F2: variants seen among roughly 807,000 people sequenced by gnomAD.
The protein encoded by F2 is prothrombin.
Under a neutral mutation model 81.9 loss-of-function variants are expected in F2, and 34 were observed. That is an observed-to-expected ratio of 0.42 (90% CI 0.32 to 0.55). The LOEUF (loss-of-function observed/expected upper bound fraction) is 0.55, where lower values mean the gene tolerates loss of function less well. Ranked by LOEUF, F2 falls within the 20% of genes least tolerant of loss-of-function variation. The pLI, the probability that F2 is intolerant of heterozygous loss-of-function variation, is 0.18. For synonymous variants in F2, 296 were observed against 326.4 expected, an observed-to-expected ratio of 0.91 and a Z score of 1.01; for missense variants, 630 against 833.4, an observed-to-expected ratio of 0.76 and a Z score of 3.00.
chr11:46,726,538 G>A lies in F2; in HGVS notation c.915G>A (p.Glu305=), dbSNP rs886048335. 12 of 1,613,924 alleles carry A rather than the reference G, an allele frequency of 7.4e-6. No individual in the cohort carries two copies. The highest frequency in any genetic ancestry group is 1.0e-5 in the Non-Finnish European group (12 of 1,179,934). The change falls in exon 8 of 14, where the codon GAG becomes GAA. Residue 305 remains glutamate (E), a synonymous_variant. Coordinates refer to ENST00000311907, the MANE Select transcript of F2 (RefSeq NM_000506.5). The surrounding 1 kb of genome is among the most constrained non-coding windows in gnomAD (Gnocchi z 5.9). ...AGGAGACAGGAGATGGGCTGGATGA[G>A]GACTCAGACAGGGCCATCGAAGGGC... ...VEEETGDGLD[E]DSDRAIEGRT...
rs1379397740 is a variant in F2, at chr11:46,728,756, C to T, written c.1391C>T (p.Ala464Val). 1 of 1,614,200 alleles carries T rather than the reference C, an allele frequency of 6.2e-7. No homozygotes were observed. Among genetic ancestry groups the T allele is most frequent in the Non-Finnish European group, 8.5e-7 (1 of 1,180,030 alleles). The change falls in exon 11 of 14, where the codon GCC becomes GTC. Residue 464 changes from alanine to valine, a missense_variant. Transcript: ENST00000311907. This position sits in a 1 kb window ranked among gnomAD's most constrained non-coding sequence, Gnocchi z 5.1. Reference protein sequence around the residue: ...NWRENLDRDIALMKLKKPVAF... With the variant: ...NWRENLDRDIVLMKLKKPVAF... ...CGGGAGAACCTGGACCGGGACATTG[C>T]CCTGATGAAGCTGAAGAAGCCTGTT...
rs543398917 is a variant in F2 at position 46,735,033 on chromosome 11, G to T, written c.1655-4015G>T. Among the ~76,000 whole-genome samples, 5 of 152,236 alleles carry T rather than the reference G, an allele frequency of 3.3e-5. No individual in the cohort carries two copies. The South Asian group carries it at 1.0e-3, about 32-fold the overall frequency. On this transcript the variant is annotated intron_variant, in intron 12 of 13. Transcript: ENST00000311907. ...TCTAAACCCTTTATTAAAAATTATT[G>T]GCCAAGTGCGGTAGCTCACACCTGT...
intron 12 of F2, among the ~76,000 whole-genome samples, chr11:46,735,349 G>A (rs528609061): frequency 6.6e-6 from 1 of 152,282 alleles, no homozygotes; most frequent in Non-Finnish European, 1.5e-5. Flanking sequence ...GCTGAGGCAG[G>A]GGAATCATTT....
At chr11:46,730,942 A>G (rs754533052) in intron 12 of F2, among the ~76,000 whole-genome samples, 20 of 150,898 alleles carry the variant, frequency 1.3e-4, no homozygotes, top group Admixed American at 9.9e-4. Context: ...TTTTTTTGAC[A>G]TAGCTTCGCT....
intron 9 of F2, among the ~76,000 whole-genome samples, chr11:46,727,732 T>C (rs1316063046): frequency 6.6e-6 from 1 of 152,030 alleles, no homozygotes; most frequent in African/African-American, 2.4e-5. Flanking sequence ...AAGCTGTGAC[T>C]GTACCATTGC....
chr11:46,736,770 TC>T (rs2064946637), intron 12 of F2, among the ~76,000 whole-genome samples: 1 of 152,248 alleles, frequency 6.6e-6, no homozygotes, highest in Non-Finnish European at 1.5e-5. Flanking sequence ...AGTTTTTCTT[TC>T]CAGTGGTTTC....
At chr11:46,725,523 G>A (rs935290493) in intron 6 of F2, among the ~76,000 whole-genome samples, 23 of 152,038 alleles carry the variant, frequency 1.5e-4, no homozygotes, top group Admixed American at 1.1e-3. Flanking sequence ...CCCAGCAAGC[G>A]TCCTGCTGTG....
At position 46,726,778 on chromosome 11, in the gene F2, A is replaced by G; in HGVS notation, c.1071A>G (p.Glu357=). ...ACAAAACCGAAAGAGAGCTCCTGGAATCCTACATCGACGGGCGCATTGTGG... is the reference window on the plus strand; with the variant it reads ...ACAAAACCGAAAGAGAGCTCCTGGAGTCCTACATCGACGGGCGCATTGTGG... The part of the protein sequence containing the change: ...LEDKTERELL[E]SYIDGRIVEG... Residue 357 remains glutamate (E), a synonymous_variant, in exon 9 of 14, where the codon GAA becomes GAG. Transcript: ENST00000311907. The surrounding 1 kb of genome is among the most constrained non-coding windows in gnomAD (Gnocchi z 5.9). 6.2e-7 allele frequency: 1 copy of G among 1,614,202 alleles called. No homozygotes were observed. The highest frequency in any genetic ancestry group is 8.5e-7 in the Non-Finnish European group (1 of 1,180,036).
chr11:46,736,697 G>A (rs972012341), intron 12 of F2, among the ~76,000 whole-genome samples: 2 of 152,214 alleles, frequency 1.3e-5, no homozygotes, highest in African/African-American at 2.4e-5. Context: ...TGTGTACAGC[G>A]TCACATTGTT....
Position 46,728,049 on chromosome 11 carries a change from T to G in F2, c.1184T>G (p.Leu395Arg), listed in dbSNP as rs1238164756. 6.2e-7 allele frequency: 1 copy of G among 1,610,916 alleles called. No homozygotes were observed. Among genetic ancestry groups the G allele is most frequent in the Non-Finnish European group, 8.5e-7 (1 of 1,178,930 alleles). Residue 395 changes from leucine to arginine, a missense_variant, in exon 10 of 14, where the codon CTC becomes CGC. Physicochemically the swap from Leu to Arg is moderately radical, Grantham distance 102. Transcript: ENST00000311907. The surrounding 1 kb of genome is among the most constrained non-coding windows in gnomAD (Gnocchi z 5.1). ...SPQELLCGAS[L>R]ISDRWVLTAA... ...CAGGAGCTGCTGTGTGGGGCCAGCC[T>G]CATCAGTGACCGCTGGGTCCTCACC...
Position 46,728,836 on chromosome 11 carries a change from A to G in F2, c.1471A>G (p.Ser491Gly), listed in dbSNP as rs558750141. The change falls in exon 11 of 14, where the codon AGC (serine) becomes GGC (glycine). Residue 491 changes from serine (S) to glycine (G), a missense_variant and splice_region_variant. Transcript: ENST00000311907. This position sits in a 1 kb window ranked among gnomAD's most constrained non-coding sequence, Gnocchi z 5.1. The stretch of plus-strand genomic sequence containing the variant: ...TCTGCCCGACAGGGAGACGGCAGCC[A>G]GGTGGGCCACCAGATGCTTGTTAGC... ...VCLPDRETAASLLQAGYKGRV... is the reference protein window; with the variant it reads ...VCLPDRETAAGLLQAGYKGRV... The G allele has an allele frequency of 6.2e-7, 1 of 1,613,688 alleles. No individual in the cohort carries two copies. The highest frequency in any genetic ancestry group is 1.3e-5 in the African/African-American group (1 of 75,060).
chr11:46,729,617 A>C, intron 12 of F2, 56 bp downstream of exon 12: 2 of 1,585,446 alleles, frequency 1.3e-6, no homozygotes, highest in Non-Finnish European at 1.7e-6. Flanking sequence ...GGGAGAACTG[A>C]GTTGTGCCTG....
In F2 at chr11:46,719,537, G is replaced by A. The variant is rs2064821748; in HGVS notation, c.80-165G>A. On this transcript the variant is annotated intron_variant, in intron 1 of 13. Coordinates refer to ENST00000311907, the MANE Select transcript of F2 (RefSeq NM_000506.5). The surrounding 1 kb of genome is among the most constrained non-coding windows in gnomAD (Gnocchi z 4.7). The stretch of plus-strand genomic sequence containing the variant: ...GCTGGGGGCAAGGGGCAGTGTAGGA[G>A]GGGCACAGGGGGCCACATTTAGCAG... 1.6e-5 allele frequency: 16 copies of A among 977,084 alleles called. No homozygotes were observed. Among genetic ancestry groups the A allele is most frequent in the Non-Finnish European group, 2.5e-5 (16 of 648,754 alleles). 60.5% of individuals were successfully genotyped at this position (977,084 alleles called of 1,614,324 possible).
At position 46,720,843 on chromosome 11, in the gene F2, G is replaced by A; in HGVS notation, c.316+3G>A. The A allele has an allele frequency of 6.2e-6, 10 of 1,613,562 alleles. No homozygotes were observed. The highest frequency in any genetic ancestry group is 8.5e-6 in the Non-Finnish European group (10 of 1,179,642). Reference sequence around the variant, plus strand: ...TAAGCTTGCTGCATGTCTGGAAGGTGAGCAACTGACACGGGTTTGGGGAGC... The same window carrying A: ...TAAGCTTGCTGCATGTCTGGAAGGTAAGCAACTGACACGGGTTTGGGGAGC... On this transcript the variant is annotated splice_donor_region_variant and intron_variant, in intron 4 of 13. Transcript: ENST00000311907.
At chr11:46,732,721 T>A (rs1444918055) in intron 12 of F2, among the ~76,000 whole-genome samples, 3 of 152,172 alleles carry the variant, frequency 2.0e-5, no homozygotes, top group Admixed American at 6.5e-5. Context: ...ACTACTGTTA[T>A]TTTTTCTGAT....
chr11:46,734,888 C>G (rs149761797), intron 12 of F2, among the ~76,000 whole-genome samples: 73 of 152,310 alleles, frequency 4.8e-4, no homozygotes, highest in Non-Finnish European at 8.8e-4. Context: ...CTCATGTTTT[C>G]TTCTAGTACC....
intron 4 of F2, among the ~76,000 whole-genome samples, 178 bp downstream of exon 4, chr11:46,721,018 CGAATGAAT>C (rs2064832986): frequency 6.6e-6 from 1 of 151,918 alleles, no homozygotes; most frequent in South Asian, 2.1e-4. Flanking sequence ...GGCATGCGAA[CGAATGAAT>C]GAATGAATGG....
Position 46,719,788 on chromosome 11 carries a change from C to G in F2, c.166C>G (p.Leu56Val), listed in dbSNP as rs752446552. Residue 56 changes from leucine (L) to valine (V), a missense_variant, in exon 2 of 14, where the codon CTG becomes GTG. By Grantham distance (32) the Leu-to-Val change is conservative. Coordinates refer to ENST00000311907, the MANE Select transcript of F2 (RefSeq NM_000506.5). The surrounding 1 kb of genome is among the most constrained non-coding windows in gnomAD (Gnocchi z 4.7). ...CTTGGAGGAGGTGCGCAAGGGCAAC[C>G]TGGAGCGAGAGTGCGTGGAGGAGAC... ...TFLEEVRKGN[L>V]ERECVEETCS... The G allele has an allele frequency of 1.3e-6, 2 of 1,597,512 alleles. No individual in the cohort carries two copies. The highest frequency in any genetic ancestry group is 1.1e-5 in the South Asian group (1 of 87,774).
Position 46,723,120 on chromosome 11 carries a change from G to A in F2, c.317-60G>A, listed in dbSNP as rs1303538011. ...TGGGAGGTGGGGGATAGACAACTTTGCAGGGAGAGAGGAAATAAGTCCCCA... is the reference window on the plus strand; with the variant it reads ...TGGGAGGTGGGGGATAGACAACTTTACAGGGAGAGAGGAAATAAGTCCCCA... On this transcript the variant is annotated intron_variant, in intron 4 of 13. Coordinates refer to ENST00000311907, the MANE Select transcript of F2 (RefSeq NM_000506.5). The surrounding 1 kb of genome is among the most constrained non-coding windows in gnomAD (Gnocchi z 5.6). The A allele has an allele frequency of 3.4e-6, 5 of 1,465,914 alleles. No individual in the cohort carries two copies. Among genetic ancestry groups the A allele is most frequent in the Admixed American group, 1.7e-5 (1 of 59,816 alleles). 90.8% of individuals were successfully genotyped at this position (1,465,914 alleles called of 1,614,324 possible). A position where few individuals can be genotyped will look rare whatever the true frequency, so the allele number is the denominator to read the frequency against.
Sources: gnomAD v4.1 joint callset for allele counts (sites outside exome capture counted in the v4.1 genomes callset) on GRCh38, gnomAD v4.1.1 for gene constraint, Gnocchi (gnomAD v3.1) non-coding constraint, MANE v1.5 for transcripts, NCBI Gene and HGNC (gene_info 2026-07-23, HGNC 2026-07-21) for gene names.